Variants in GALNTL6 observed in about 807,000 individuals in gnomAD.
GALNTL6 encodes the protein polypeptide N-acetylgalactosaminyltransferase like 6.
Under a neutral mutation model 73.7 loss-of-function variants are expected in GALNTL6, and 46 were observed. The observed-to-expected ratio is 0.62, with a 90% CI of 0.49 to 0.80. GALNTL6 has a LOEUF of 0.80. GALNTL6 is among the 30% of genes least tolerant of loss of function. The probability of loss-of-function intolerance (pLI) is 0.00; values close to 1 mark genes in which losing one functional copy is unlikely to be tolerated. For missense variants in GALNTL6, 604 were observed against 755.0 expected, an observed-to-expected ratio of 0.80 and a Z score of 2.34; for synonymous variants, 259 against 263.7, an observed-to-expected ratio of 0.98 and a Z score of 0.17.
chr4:171,945,114 G>C (rs548230500), intron 2 of GALNTL6, among the ~76,000 whole-genome samples: 1 of 152,012 alleles, frequency 6.6e-6, no homozygotes, highest in African/African-American at 2.4e-5. Context: ...GCTGAGTTCC[G>C]AAGTGTTTAT....
chr4:172,068,830 C>T (rs1731429265), intron 2 of GALNTL6, among the ~76,000 whole-genome samples: 1 of 108,592 alleles, frequency 9.2e-6, no homozygotes, highest in Admixed American at 9.6e-5. Flanking sequence ...ACGTGTAGAG[C>T]TCATTGAAGT....
chr4:172,192,080 A>T (rs1480771719), intron 2 of GALNTL6, among the ~76,000 whole-genome samples: 1 of 152,120 alleles, frequency 6.6e-6, no homozygotes, highest in Non-Finnish European at 1.5e-5. Flanking sequence ...TAAAATGCTT[A>T]TTAAATTGAA....
chr4:172,354,561 A>G (rs1168576335), intron 5 of GALNTL6, among the ~76,000 whole-genome samples: 11 of 152,102 alleles, frequency 7.2e-5, no homozygotes. Flanking sequence ...AGATGTATGA[A>G]CATACCACAG....
intron 5 of GALNTL6, among the ~76,000 whole-genome samples, chr4:172,398,794 A>G (rs1743936601): frequency 6.6e-6 from 1 of 152,142 alleles, no homozygotes; most frequent in African/African-American, 2.4e-5. Context: ...ATTTGTATTT[A>G]TGGGCTTGGT....
intron 2 of GALNTL6, among the ~76,000 whole-genome samples, chr4:172,122,584 A>G (rs1403140911): frequency 1.3e-5 from 2 of 152,200 alleles, no homozygotes; most frequent in African/African-American, 2.4e-5. Context: ...AATGGAGTTT[A>G]TAACGAGCAA....
intron 10 of GALNTL6, among the ~76,000 whole-genome samples, chr4:172,990,578 T>C (rs575297540): frequency 2.2e-4 from 34 of 151,814 alleles, no homozygotes; most frequent in African/African-American, 8.2e-4. Context: ...TTTTTTTTTT[T>C]AATTTCAATG....
At chr4:172,602,493 G>GACT (rs368507750) in intron 5 of GALNTL6, among the ~76,000 whole-genome samples, 1 of 56,250 alleles carries the variant, frequency 1.8e-5, no homozygotes, top group Non-Finnish European at 4.8e-5. Flanking sequence ...ATTTAAATTA[G>GACT]GTTTAAATTA....
At chr4:172,649,365 A>G (rs1740377750) in intron 5 of GALNTL6, among the ~76,000 whole-genome samples, 1 of 152,178 alleles carries the variant, frequency 6.6e-6, no homozygotes, top group African/African-American at 2.4e-5. Context: ...AGCTCCAAGT[A>G]TTGAATGTTA....
At chr4:172,279,633 T>C (rs888073265) in intron 3 of GALNTL6, among the ~76,000 whole-genome samples, 1 of 152,130 alleles carries the variant, frequency 6.6e-6, no homozygotes, top group Non-Finnish European at 1.5e-5. Context: ...GAATGTAAAA[T>C]GGTGCAATCA....
chr4:172,736,580 T>C (rs1837129), intron 5 of GALNTL6, among the ~76,000 whole-genome samples: 147,715 of 152,178 alleles, frequency 0.97, 71,842 homozygotes, highest in East Asian at 1. Context: ...CCTCAGCTTA[T>C]GAAGATGACG....
chr4:171,835,898 T>C (rs565871199), intron 2 of GALNTL6, among the ~76,000 whole-genome samples: 8 of 152,032 alleles, frequency 5.3e-5, no homozygotes, highest in African/African-American at 1.9e-4. Context: ...TAAACAAAAA[T>C]AAAAAAATAT....
intron 2 of GALNTL6, among the ~76,000 whole-genome samples, chr4:172,063,477 T>A (rs1401090125): frequency 1.7e-5 from 1 of 59,710 alleles, no homozygotes; most frequent in Non-Finnish European, 4.0e-5. Flanking sequence ...TTAAAGAACT[T>A]TTTTTTGGCT....
At chr4:172,643,498 C>T (rs1221589925) in intron 5 of GALNTL6, among the ~76,000 whole-genome samples, 1 of 151,864 alleles carries the variant, frequency 6.6e-6, no homozygotes, top group East Asian at 1.9e-4. Flanking sequence ...AACTATTATT[C>T]AGATCAAGAA....
intron 4 of GALNTL6, among the ~76,000 whole-genome samples, chr4:172,322,548 A>G (rs1417877800): frequency 2.6e-5 from 4 of 152,198 alleles, no homozygotes; most frequent in Non-Finnish European, 4.4e-5. Flanking sequence ...CAGGCTGTAC[A>G]GGAAGCATGG....
At position 172,077,642 on chromosome 4, in the gene GALNTL6, T is replaced by C. The variant is rs183459293; in HGVS notation, c.139-152014T>C. ...AGAGATTATTTGAAACTGGAACTTA[T>C]ATTTAAAAGGGAAACAGCATAAAAG... On this transcript the variant is annotated intron_variant, in intron 2 of 12. Transcript: ENST00000506823. Among the ~76,000 whole-genome samples, 251 of 152,298 alleles carry C rather than the reference T, an allele frequency of 1.6e-3. 1 individual carries two copies. The highest frequency in any genetic ancestry group is 5.2e-3 in the African/African-American group (218 of 41,574).
At chr4:172,383,238 A>G (rs1743349378) in intron 5 of GALNTL6, among the ~76,000 whole-genome samples, 1 of 136,272 alleles carries the variant, frequency 7.3e-6, no homozygotes, top group Admixed American at 8.0e-5. Context: ...CCATCTTAAC[A>G]ATATTGTCTT....
Position 172,649,176 on chromosome 4 carries a change from G to C in GALNTL6, c.554-160185G>C, listed in dbSNP as rs536491482. Among the ~76,000 whole-genome samples, 11 of 151,888 alleles carry C rather than the reference G, an allele frequency of 7.2e-5. 1 individual carries two copies. In the Middle Eastern group the frequency reaches 9.5e-3, roughly 131 times the overall value. On this transcript the variant is annotated intron_variant, in intron 5 of 12. Transcript: ENST00000506823. ...CATATGACTTTTTTTTATATATTAC[G>C]AGTCACATTCTCAGTTTATTTTGAG...
chr4:173,034,223 G>A lies in GALNTL6; in HGVS notation c.1639-5710G>A, dbSNP rs1054859071. Among the ~76,000 whole-genome samples the A allele has an allele frequency of 7.2e-5, 11 of 152,164 alleles. No individual in the cohort carries two copies. In the East Asian group the frequency reaches 2.1e-3, roughly 29 times the overall value. On this transcript the variant is annotated intron_variant, in intron 12 of 12. Coordinates refer to ENST00000506823, the MANE Select transcript of GALNTL6 (RefSeq NM_001034845.3). ...ATCAGCTGAAATCTGAATCATTGCG[G>A]TAGCCTCTGGTGGTTCTCTCTTACT...
At chr4:172,354,585 A>G (rs1023073432) in intron 5 of GALNTL6, among the ~76,000 whole-genome samples, 14 of 152,118 alleles carry the variant, frequency 9.2e-5, no homozygotes, top group African/African-American at 3.1e-4. Context: ...TGTGCAATCA[A>G]TGTCAGGAAA....
Sources: allele counts gnomAD v4.1 joint callset (sites outside exome capture counted in the v4.1 genomes callset), GRCh38; gene constraint gnomAD v4.1.1; transcripts MANE v1.5; gene names NCBI Gene and HGNC (gene_info 2026-07-23, HGNC 2026-07-21).